The following ARL17B variants were observed in gnomAD, a reference collection of about 807,000 sequenced individuals.
ARL17B encodes the protein ARF like GTPase 17B.
At chr17:46,274,747 T>G (rs1167095008), downstream of ARL17B, 7 of 152,726 alleles carry the variant, frequency 4.6e-5, no homozygotes. Context: ...GAGTTATACT[T>G]GACCCCACAG....
At chr17:46,290,119 A>G (rs1165754566) in intron 4 of ARL17B, among the ~76,000 whole-genome samples, 1 of 132,130 alleles carries the variant, frequency 7.6e-6, no homozygotes, top group African/African-American at 2.5e-5. Flanking sequence ...ACCCTGTCTT[A>G]AAACAAAACA....
At chr17:46,274,393 T>C (rs1018486730), downstream of ARL17B, among the ~76,000 whole-genome samples, 1 of 152,232 alleles carries the variant, frequency 6.6e-6, no homozygotes, top group African/African-American at 2.4e-5. Flanking sequence ...CAGGACCACT[T>C]AGCCCAACCT....
chr17:46,276,362 T>G (rs2732702), intron 4 of ARL17B, among the ~76,000 whole-genome samples: 21,749 of 152,078 alleles, frequency 0.14, 1,889 homozygotes, highest in Non-Finnish European at 0.22. Flanking sequence ...ATAAATTTTT[T>G]ACCACTATAC....
chr17:46,311,374 TC>T (rs1487088877), intron 3 of ARL17B: 1 of 311,754 alleles, frequency 3.2e-6, no homozygotes, highest in African/African-American at 2.4e-5. Flanking sequence ...TTGACTACCT[TC>T]TTCCATGGAA....
chr17:46,348,929 C>T, intron 3 of ARL17B, among the ~76,000 whole-genome samples: 1 of 148,650 alleles, frequency 6.7e-6, no homozygotes, highest in Non-Finnish European at 1.5e-5. Flanking sequence ...CTAATAAATG[C>T]AGAGGAATAA....
chr17:46,277,127 T>C (rs1349841207), intron 4 of ARL17B, among the ~76,000 whole-genome samples: 4 of 152,230 alleles, frequency 2.6e-5, no homozygotes, highest in Non-Finnish European at 5.9e-5. Flanking sequence ...TTAAGCAGAA[T>C]TGAGCAAACG....
At chr17:46,283,368 A>C (rs555877044) in intron 4 of ARL17B, among the ~76,000 whole-genome samples, 2 of 152,382 alleles carry the variant, frequency 1.3e-5, no homozygotes, top group South Asian at 2.1e-4. Flanking sequence ...CTACTGGTTC[A>C]AGGAAAGGCT....
intron 4 of ARL17B, among the ~76,000 whole-genome samples, chr17:46,280,236 C>A (rs1160444141): frequency 6.6e-6 from 1 of 152,160 alleles, no homozygotes; most frequent in Non-Finnish European, 1.5e-5. Flanking sequence ...TGGTGGCAGG[C>A]GCCTGTAATC....
chr17:46,340,343 G>A (rs1598201526), intron 3 of ARL17B, among the ~76,000 whole-genome samples: 1 of 62,834 alleles, frequency 1.6e-5, no homozygotes, highest in East Asian at 2.8e-4. Context: ...AGCCTCCCTA[G>A]TAGCTGGGGT....
At position 46,311,540 on chromosome 17, in the gene ARL17B, A is replaced by T. The variant is rs1289192491; in HGVS notation, c.260-11875T>A. ...AGTGATGACATGCTCCAGTCCTTTC[A>T]TCTCTGTCTCCTCAGTTAATAGAAA... is the stretch of plus-strand genomic sequence containing the variant. On this transcript the variant is annotated intron_variant, in intron 3 of 4. Coordinates refer to the ARL17B transcript ENST00000434041. Among the ~76,000 whole-genome samples the T allele has an allele frequency of 8.0e-5, 6 of 75,462 alleles. 1 individual carries two copies. The highest frequency in any genetic ancestry group is 2.2e-4 in the African/African-American group (6 of 27,078). The allele number at this position is 75,462 out of a possible 152,430, so 49.5% of individuals were successfully genotyped here.
Position 46,328,012 on chromosome 17 carries a change from C to G in ARL17B, c.259+24808G>C, listed in dbSNP as rs1190367722. Among the ~76,000 whole-genome samples the G allele has an allele frequency of 3.5e-5, 2 of 57,884 alleles. 1 individual carries two copies. The highest frequency in any genetic ancestry group is 7.4e-5 in the African/African-American group (2 of 27,172). 38.0% of individuals were successfully genotyped at this position (57,884 alleles called of 152,430 possible). On this transcript the variant is annotated intron_variant, in intron 3 of 4. Transcript: ENST00000434041. ...GAGTAATTTATAATATTTCCCACTC[C>G]CAACAGGAATTGAGAAAGGGACTCC...
At chr17:46,322,578 G>A (rs2051452570) in intron 3 of ARL17B, among the ~76,000 whole-genome samples, 2 of 59,782 alleles carry the variant, frequency 3.3e-5, no homozygotes, top group Middle Eastern at 9.8e-3. Flanking sequence ...CAGCCAGCAG[G>A]GGAAGAGAAC....
intron 4 of ARL17B, among the ~76,000 whole-genome samples, chr17:46,277,248 T>C (rs1218176055): frequency 6.6e-6 from 1 of 152,246 alleles, no homozygotes; most frequent in Non-Finnish European, 1.5e-5. Context: ...GCCCCTACAC[T>C]ATGCGGGCCC....
chr17:46,277,284 C>A (rs1381083830), intron 4 of ARL17B, among the ~76,000 whole-genome samples: 2 of 152,322 alleles, frequency 1.3e-5, no homozygotes, highest in East Asian at 1.9e-4. Context: ...TGCTCCTTTA[C>A]CAAATTCCCT....
chr17:46,278,769 C>G (rs923614816), intron 4 of ARL17B, among the ~76,000 whole-genome samples: 4 of 152,104 alleles, frequency 2.6e-5, no homozygotes, highest in Non-Finnish European at 4.4e-5. Context: ...TAGGCTGATT[C>G]TAAAAGTTGA....
At chr17:46,290,570 C>G (rs2050039038) in intron 4 of ARL17B, among the ~76,000 whole-genome samples, 1 of 152,186 alleles carries the variant, frequency 6.6e-6, no homozygotes, top group Non-Finnish European at 1.5e-5. Flanking sequence ...CCTCAGCCTC[C>G]CAGGCAGCTG....
intron 3 of ARL17B, among the ~76,000 whole-genome samples, chr17:46,321,336 A>G: frequency 1.1e-5 from 1 of 87,844 alleles, no homozygotes; most frequent in Non-Finnish European, 2.0e-5. Context: ...AGCCTGGGTG[A>G]CAGAGTGAGA....
chr17:46,275,064 GT>G (rs2049550336), exon 5 of ARL17B: 2 of 181,708 alleles, frequency 1.1e-5, no homozygotes, highest in South Asian at 2.5e-4. Context: ...AGCTAATTTT[GT>G]ATTTTTGGTA....
rs1346506879 is a variant in ARL17B, at chr17:46,324,936, A to C, written c.260-25271T>G. ...TTGTTACACAATTTACTGCAACTTC[A>C]ATTGTGCCACCAGCCCCCACAATAT... On this transcript the variant is annotated intron_variant, in intron 3 of 4. Coordinates refer to the ARL17B transcript ENST00000434041. Among the ~76,000 whole-genome samples, 3 of 77,596 alleles carry C rather than the reference A, an allele frequency of 3.9e-5. 1 individual carries two copies. Among genetic ancestry groups the C allele is most frequent in the African/African-American group, 3.3e-5 (1 of 29,942 alleles). The allele number at this position is 77,596 out of a possible 152,430, so 50.9% of individuals were successfully genotyped here.
Sources: gnomAD v4.1 joint callset for allele counts (sites outside exome capture counted in the v4.1 genomes callset) on GRCh38, gnomAD v4.1.1 for gene constraint, MANE v1.5 for transcripts, NCBI Gene and HGNC (gene_info 2026-07-23, HGNC 2026-07-21) for gene names.